GOSR2: variants seen among roughly 807,000 people sequenced by gnomAD.
The protein encoded by GOSR2 is golgi SNAP receptor complex member 2.
A neutral mutation model predicts 27.9 loss-of-function variants in GOSR2; 20 were observed. The observed-to-expected ratio is 0.72, with a 90% CI of 0.50 to 1.04. The LOEUF (loss-of-function observed/expected upper bound fraction) is 1.04. Ranked by LOEUF, GOSR2 falls within the 50% of genes least tolerant of loss-of-function variation. The pLI is 0.00. For missense variants in GOSR2, 261 were observed against 270.5 expected, an observed-to-expected ratio of 0.97 and a Z score of 0.25; for synonymous variants, 91 against 98.8, an observed-to-expected ratio of 0.92 and a Z score of 0.47.
At chr17:46,968,054 G>T (rs912842154), downstream of GOSR2, among the ~76,000 whole-genome samples, 1 of 152,094 alleles carries the variant, frequency 6.6e-6, no homozygotes, top group Admixed American at 6.6e-5. Flanking sequence ...GGACCAGCCT[G>T]GGATGGGGGC....
chr17:46,936,057 C>CG (rs2088281004), intron 5 of GOSR2: 1 of 985,726 alleles, frequency 1.0e-6, no homozygotes, highest in South Asian at 4.7e-5. Context: ...GCCATCTCTA[C>CG]GGGGGAGAGG....
chr17:46,968,940 G>C (rs888965822), downstream of GOSR2: 1 of 152,460 alleles, frequency 6.6e-6, no homozygotes, highest in African/African-American at 2.4e-5. Flanking sequence ...TTCTCATGAG[G>C]TTGAAAAATG....
downstream of GOSR2, among the ~76,000 whole-genome samples, chr17:46,943,553 G>C (rs959435053): frequency 6.6e-6 from 1 of 152,176 alleles, no homozygotes; most frequent in African/African-American, 2.4e-5. Context: ...CATACTGCAC[G>C]CTTCCTGCGG....
At chr17:46,965,034 C>T (rs2091247223) in intron 6 of GOSR2, 1 of 152,182 alleles carries the variant, frequency 6.6e-6, no homozygotes, top group South Asian at 2.1e-4. Flanking sequence ...AGTTTTTCAC[C>T]CTCCGGTAAG....
chr17:46,962,439 C>G (rs1395012320), intron 6 of GOSR2, among the ~76,000 whole-genome samples: 1 of 152,100 alleles, frequency 6.6e-6, no homozygotes, highest in Admixed American at 6.5e-5. Context: ...CACATCAAAT[C>G]TGGACTGGCC....
rs1302011529 is a variant in GOSR2 at position 46,941,513 on chromosome 17, C to T, written c.*2753C>T. ...GCAGTGGGGAAGCTTTTTAAAATTA[C>T]ATATTCCTGGGGCCTACCCCAGATC... On this transcript the variant is annotated 3_prime_UTR_variant, in exon 6 of 6. Transcript: ENST00000640051. 3.2e-6 allele frequency: 2 copies of T among 626,766 alleles called. No homozygotes were observed. Among genetic ancestry groups the T allele is most frequent in the Admixed American group, 6.3e-5 (1 of 15,834 alleles). 38.8% of individuals were successfully genotyped at this position (626,766 alleles called of 1,614,324 possible).
downstream of GOSR2, among the ~76,000 whole-genome samples, chr17:46,946,150 T>C (rs888364931): frequency 6.6e-6 from 1 of 151,934 alleles, no homozygotes; most frequent in African/African-American, 2.4e-5. Context: ...AAATTAAAAA[T>C]GTAGGCTGGG....
At chr17:46,933,631 C>CTTTTTTTTTTT (rs5820637) in intron 4 of GOSR2, 45 of 134,730 alleles carry the variant, frequency 3.3e-4, no homozygotes, top group African/African-American at 1.1e-3. Context: ...GTGGCATAAC[C>CTTTTTTTTTTT]TTTTTTTTTT....
At chr17:46,923,321 C>T in intron 1 of GOSR2, 100 bp downstream of exon 1, 1 of 1,539,146 alleles carries the variant, frequency 6.5e-7, no homozygotes, top group East Asian at 2.5e-5. Flanking sequence ...GGGTAGAGGC[C>T]GAGTTTTTCC....
chr17:46,942,371 C>A (rs1213943878), downstream of GOSR2, among the ~76,000 whole-genome samples: 1 of 152,210 alleles, frequency 6.6e-6, no homozygotes, highest in Non-Finnish European at 1.5e-5. Flanking sequence ...CTTATGTTCT[C>A]CATCATTTAT....
intron 6 of GOSR2, chr17:46,963,591 A>G (rs2091187301): frequency 6.6e-6 from 1 of 151,904 alleles, no homozygotes; most frequent in Admixed American, 6.6e-5. Context: ...AGATTTTATT[A>G]TAGTTTGGAC....
Position 46,939,161 on chromosome 17 carries a change from A to G in GOSR2, c.*401A>G. On this transcript the variant is annotated 3_prime_UTR_variant, in exon 6 of 6. Transcript: ENST00000640051. ...CACCATCAGGCCTTTCTGGCTCCTG[A>G]TAGGGTGGAGCAAAAGTGGAAAGGA... 9.0e-7 allele frequency: 1 copy of G among 1,107,930 alleles called. No individual in the cohort carries two copies. The highest frequency in any genetic ancestry group is 1.1e-6 in the Non-Finnish European group (1 of 899,156). The allele number at this position is 1,107,930 out of a possible 1,614,324, so 68.6% of individuals were successfully genotyped here.
chr17:46,933,825 G>A (rs568142956), intron 4 of GOSR2, among the ~76,000 whole-genome samples: 3 of 151,976 alleles, frequency 2.0e-5, no homozygotes, highest in Admixed American at 6.6e-5. Flanking sequence ...TTAGCCGGGC[G>A]TGGTGGCGTG....
chr17:46,935,043 C>T lies in GOSR2; in HGVS notation c.351C>T (p.Thr117=). 1 of 1,612,824 alleles carries T rather than the reference C, an allele frequency of 6.2e-7. No individual in the cohort carries two copies. Among genetic ancestry groups the T allele is most frequent in the Non-Finnish European group, 8.5e-7 (1 of 1,178,788 alleles). ...TTCTTTCACAGGACTCTGACACCAC[C>T]ATACCAATGGACGAATCACTGCAGT... ...RTFTTNDSDT[T]IPMDESLQFN... is the part of the protein sequence containing the mutation. Residue 117 remains threonine, a synonymous_variant, in exon 5 of 6, where the codon ACC becomes ACT. Coordinates refer to ENST00000640051, the MANE Select transcript of GOSR2 (RefSeq NM_004287.5).
intron 6 of GOSR2, among the ~76,000 whole-genome samples, chr17:46,966,258 G>A (rs2091315488): frequency 6.6e-6 from 1 of 152,204 alleles, no homozygotes; most frequent in Admixed American, 6.5e-5. Flanking sequence ...GTAATTGAGA[G>A]TATGAAATGT....
At chr17:46,969,061 C>T, downstream of GOSR2, 1 of 152,706 alleles carries the variant, frequency 6.5e-6, no homozygotes. Context: ...ATGCTGGATG[C>T]AGCCGGGCCA....
chr17:46,938,064 A>G (rs1382028975), intron 5 of GOSR2: 4 of 187,878 alleles, frequency 2.1e-5, no homozygotes, highest in African/African-American at 4.8e-5. Flanking sequence ...GGTCTTCACT[A>G]CGTGCCCAGG....
chr17:46,932,224 C>T (rs770815121), intron 4 of GOSR2, 25 bp downstream of exon 4: 17 of 1,613,434 alleles, frequency 1.1e-5, no homozygotes, highest in Admixed American at 6.7e-5. Flanking sequence ...TGGTGAGGGT[C>T]GGCCTGCACT....
At chr17:46,962,955 G>GTA (rs1388414182) in intron 6 of GOSR2, among the ~76,000 whole-genome samples, 1 of 152,158 alleles carries the variant, frequency 6.6e-6, no homozygotes, top group Admixed American at 6.5e-5. Flanking sequence ...ATACTTAGAG[G>GTA]TATGTATAAC....
Sources: gnomAD v4.1 joint callset for allele counts (sites outside exome capture counted in the v4.1 genomes callset) on GRCh38, gnomAD v4.1.1 for gene constraint, MANE v1.5 for transcripts, NCBI Gene and HGNC (gene_info 2026-07-23, HGNC 2026-07-21) for gene names.